NRG1: variants seen among roughly 807,000 people sequenced by gnomAD.
NRG1 encodes the protein pro-neuregulin-1, membrane-bound isoform.
In NRG1, 18 loss-of-function variants were observed where a neutral mutation model predicts 63.8. The observed-to-expected ratio is 0.28, with a 90% CI of 0.19 to 0.42. The LOEUF (loss-of-function observed/expected upper bound fraction) is 0.42. Among genes scored for constraint, NRG1 ranks in the 10% least tolerant of loss-of-function variants. NRG1 has a pLI of 1.00. For synonymous variants in NRG1, 302 were observed against 301.3 expected (o/e 1.00, Z -0.02); for missense variants, 762 against 814.7 (o/e 0.94, Z 0.79).
chr8:32,435,450 T>C lies in NRG1; in HGVS notation c.38-160378T>C, dbSNP rs536947509. Among the ~76,000 whole-genome samples the C allele has an allele frequency of 8.5e-5, 13 of 152,306 alleles. No homozygotes were observed. The South Asian group carries it at 2.1e-3, about 24-fold the overall frequency. ...AGGGTAATTGTTGAGACCTCCCCAG[T>C]TGACTGACCAAAACAATTCTTTGTT... On this transcript the variant is annotated intron_variant, in intron 1 of 10. Coordinates refer to the NRG1 transcript ENST00000519301.
At chr8:32,456,856 G>A (rs534922902) in intron 1 of NRG1, among the ~76,000 whole-genome samples, 35 of 152,216 alleles carry the variant, frequency 2.3e-4, no homozygotes, top group African/African-American at 5.5e-4. Flanking sequence ...TCTCCTGGCC[G>A]GGCGTAGACT....
intron 1 of NRG1, among the ~76,000 whole-genome samples, chr8:32,256,882 C>G (rs1487542385): frequency 6.6e-6 from 1 of 152,184 alleles, no homozygotes; most frequent in Admixed American, 6.5e-5. Flanking sequence ...AAGCTGCACC[C>G]CCAGCTGCCC....
At chr8:32,013,437 T>C (rs894670612) in intron 1 of NRG1, among the ~76,000 whole-genome samples, 19 of 152,100 alleles carry the variant, frequency 1.2e-4, no homozygotes, top group African/African-American at 4.3e-4. Flanking sequence ...TGAGCATGCC[T>C]GCTAATAACT....
chr8:32,728,128 A>G lies in NRG1; in HGVS notation c.632+50A>G, dbSNP rs548370061. 2.0e-5 allele frequency: 32 copies of G among 1,607,538 alleles called. No individual in the cohort carries two copies. In the South Asian group the frequency reaches 3.3e-4, roughly 17 times the overall value. ...GCTTATGTCTATAACTCCTTGTTTC[A>G]GATGATTCTATGTCTCATGATGTAT... On this transcript the variant is annotated intron_variant, in intron 6 of 11. Transcript: ENST00000356819.
rs1337620911 is a variant in NRG1 at position 31,745,919 on chromosome 8, A to C, written c.37+106488A>C. 2.0e-5 allele frequency among the ~76,000 whole-genome samples: 3 copies of C among 152,078 alleles called. No individual in the cohort carries two copies. In the East Asian group the frequency reaches 5.8e-4, roughly 30 times the overall value. ...ACATGTTAATCAATTGACGTTATCA[A>C]TCAAGTAATCACGAGATTACCACAG... On this transcript the variant is annotated intron_variant, in intron 1 of 10. Transcript: ENST00000519301.
intron 5 of NRG1, among the ~76,000 whole-genome samples, chr8:32,706,246 G>A (rs10092960): frequency 0.22 from 33,429 of 152,000 alleles, 3,975 homozygotes; most frequent in Middle Eastern, 0.39. Flanking sequence ...GCTTTACGGA[G>A]GATTTTCAAA....
chr8:32,285,253 C>A (rs1464982217), intron 1 of NRG1, among the ~76,000 whole-genome samples: 1 of 152,082 alleles, frequency 6.6e-6, no homozygotes, highest in Non-Finnish European at 1.5e-5. Context: ...AGACGAGCAA[C>A]CTGAAGTTCG....
chr8:32,051,056 A>G (rs1239763612), intron 1 of NRG1, among the ~76,000 whole-genome samples: 1 of 152,124 alleles, frequency 6.6e-6, no homozygotes, highest in Non-Finnish European at 1.5e-5. Context: ...GAATCCTTCC[A>G]TGTTCTCCCT....
At chr8:32,024,209 C>G (rs890835997) in intron 1 of NRG1, among the ~76,000 whole-genome samples, 1 of 152,170 alleles carries the variant, frequency 6.6e-6, no homozygotes, top group Non-Finnish European at 1.5e-5. Flanking sequence ...TGTCTTGAAT[C>G]GGGAGAGTTA....
intron 1 of NRG1, among the ~76,000 whole-genome samples, chr8:32,371,105 A>G (rs1808790455): frequency 6.6e-6 from 1 of 151,350 alleles, no homozygotes; most frequent in African/African-American, 2.4e-5. Context: ...CCAGCTACTC[A>G]GGAGGCTGAG....
In NRG1 at chr8:31,888,927, CA is replaced by C. The variant is rs528194088; in HGVS notation, c.37+249499del. On this transcript the variant is annotated intron_variant, in intron 1 of 10. Transcript: ENST00000519301. ...AAAACCCTAAAGCTCTGTATTTACACAAAGGAGACTCATAAATATTGGTTTT... is the reference window on the plus strand; with the variant it reads ...AAAACCCTAAAGCTCTGTATTTACACAAGGAGACTCATAAATATTGGTTTT... Among the ~76,000 whole-genome samples, 292 of 152,170 alleles carry C rather than the reference CA, an allele frequency of 1.9e-3. 1 individual carries two copies. The highest frequency in any genetic ancestry group is 3.3e-3 in the Non-Finnish European group (226 of 67,988).
chr8:31,910,828 A>C (rs1161361598), intron 1 of NRG1, among the ~76,000 whole-genome samples: 1 of 152,184 alleles, frequency 6.6e-6, no homozygotes, highest in East Asian at 1.9e-4. Flanking sequence ...AGGGAAGAGC[A>C]AGAGTGTGGA....
At chr8:31,961,086 T>A (rs1350963553) in intron 1 of NRG1, among the ~76,000 whole-genome samples, 1 of 152,158 alleles carries the variant, frequency 6.6e-6, no homozygotes, top group Non-Finnish European at 1.5e-5. Context: ...TTTGTGTGAG[T>A]TGAGTGTGGA....
rs59882840 is a variant in NRG1, at chr8:32,315,662, A to T, written c.38-280166A>T. ...ATGGTCTTGTTTACCATTGAATCTG[A>T]TACCTAACATGGAATCTGACACCTG... is the stretch of plus-strand genomic sequence containing the variant. On this transcript the variant is annotated intron_variant, in intron 1 of 10. Coordinates refer to the NRG1 transcript ENST00000519301. Among the ~76,000 whole-genome samples, 700 of 152,334 alleles carry T rather than the reference A, an allele frequency of 4.6e-3. 3 individuals are homozygous for T. The highest frequency in any genetic ancestry group is 0.016 in the African/African-American group (661 of 41,570).
At chr8:31,836,003 TG>T (rs748222510) in intron 1 of NRG1, among the ~76,000 whole-genome samples, 24 of 152,172 alleles carry the variant, frequency 1.6e-4, no homozygotes, top group Non-Finnish European at 3.4e-4. Context: ...AATACCCACA[TG>T]GCTGGTGGCT....
intron 5 of NRG1, among the ~76,000 whole-genome samples, chr8:32,625,907 C>T (rs1849174615): frequency 6.6e-6 from 1 of 151,300 alleles, no homozygotes; most frequent in African/African-American, 2.4e-5. Flanking sequence ...GATTCTTTTG[C>T]CTCAGCTTCC....
At chr8:31,993,056 C>G (rs1316813984) in intron 1 of NRG1, among the ~76,000 whole-genome samples, 1 of 151,954 alleles carries the variant, frequency 6.6e-6, no homozygotes, top group Non-Finnish European at 1.5e-5. Context: ...AGTATCCTCC[C>G]TAATGGAGTT....
chr8:31,987,453 G>A (rs988211017), intron 1 of NRG1, among the ~76,000 whole-genome samples: 4 of 151,010 alleles, frequency 2.6e-5, no homozygotes, highest in African/African-American at 7.3e-5. Flanking sequence ...CAACATGGAC[G>A]CAGCTGGAGG....
At chr8:32,715,271 A>G (rs544081249) in intron 5 of NRG1, among the ~76,000 whole-genome samples, 12 of 152,156 alleles carry the variant, frequency 7.9e-5, no homozygotes, top group Non-Finnish European at 1.6e-4. Context: ...CTGAATTTTT[A>G]TAACATGTCT....
Sources: allele counts gnomAD v4.1 joint callset (sites outside exome capture counted in the v4.1 genomes callset), GRCh38; gene constraint gnomAD v4.1.1; transcripts MANE v1.5; gene names NCBI Gene and HGNC (gene_info 2026-07-23, HGNC 2026-07-21).